The following NDST3 variants were observed in gnomAD, a reference collection of about 807,000 sequenced individuals.
NDST3 encodes N-deacetylase and N-sulfotransferase 3, also known as bifunctional heparan sulfate N-deacetylase/N-sulfotransferase 3.
Under a neutral mutation model 96.1 loss-of-function variants are expected in NDST3, and 58 were observed. The observed-to-expected ratio is 0.60, with a 90% confidence interval of 0.49 to 0.75. The LOEUF is 0.75. Among genes scored for constraint, NDST3 ranks in the 30% least tolerant of loss-of-function variants. The pLI is 0.00. For missense variants in NDST3, 788 were observed against 1,034.2 expected, an observed-to-expected ratio of 0.76 and a Z score of 3.27; for synonymous variants, 333 against 359.7, an observed-to-expected ratio of 0.93 and a Z score of 0.84.
At chr4:118,156,085 T>C (rs1412955130) in intron 6 of NDST3, among the ~76,000 whole-genome samples, 3 of 152,168 alleles carry the variant, frequency 2.0e-5, no homozygotes, top group Non-Finnish European at 4.4e-5. Flanking sequence ...ATTTCTTCAC[T>C]TGAAAAAAAT....
intron 6 of NDST3, among the ~76,000 whole-genome samples, chr4:118,143,981 TCTC>T (rs2125906946): frequency 6.7e-6 from 1 of 150,044 alleles, no homozygotes; most frequent in Admixed American, 6.6e-5. Flanking sequence ...CCTGTAAAAC[TCTC>T]CTATTTCCAC....
intron 4 of NDST3, among the ~76,000 whole-genome samples, chr4:118,133,780 T>C (rs1235060783): frequency 6.6e-6 from 1 of 152,208 alleles, no homozygotes; most frequent in Non-Finnish European, 1.5e-5. Context: ...GTAATGAAGA[T>C]AATTGAGAAA....
chr4:118,214,092 T>C (rs943522402), intron 6 of NDST3, among the ~76,000 whole-genome samples: 4 of 151,976 alleles, frequency 2.6e-5, no homozygotes, highest in African/African-American at 4.8e-5. Context: ...AAAGAGGAAG[T>C]AGTCACCTCA....
At chr4:118,135,465 CAAT>C (rs1699002519) in intron 4 of NDST3, among the ~76,000 whole-genome samples, 1 of 152,034 alleles carries the variant, frequency 6.6e-6, no homozygotes, top group Non-Finnish European at 1.5e-5. Flanking sequence ...GTAATGACAA[CAAT>C]AATTTTAAAA....
In NDST3 at chr4:118,109,305, T is replaced by A. The variant is rs117196189; in HGVS notation, c.1069+4200T>A. ...AAATTAGGGTGAAATATGTGGTGTG[T>A]TTAGGGGGAGAGGGAGAGAGTAGGA... On this transcript the variant is annotated intron_variant, in intron 3 of 13. Transcript: ENST00000296499. Among the ~76,000 whole-genome samples the A allele has an allele frequency of 5.6e-4, 86 of 152,244 alleles. No homozygotes were observed. The East Asian group carries it at 0.014, about 25-fold the overall frequency.
chr4:118,153,018 C>T (rs769375068), intron 6 of NDST3, among the ~76,000 whole-genome samples: 46 of 152,172 alleles, frequency 3.0e-4, no homozygotes, highest in African/African-American at 9.4e-4. Flanking sequence ...GACTGAGCAA[C>T]GGCTACCTGA....
chr4:118,246,080 G>A (rs1578868553), intron 12 of NDST3, among the ~76,000 whole-genome samples: 1 of 152,118 alleles, frequency 6.6e-6, no homozygotes, highest in African/African-American at 2.4e-5. Flanking sequence ...CTTAAAATGA[G>A]CTATGGAAGT....
intron 5 of NDST3, among the ~76,000 whole-genome samples, chr4:118,142,829 G>A (rs1436436357): frequency 6.6e-6 from 1 of 152,068 alleles, no homozygotes; most frequent in African/African-American, 2.4e-5. Context: ...ACCTTATCAC[G>A]AGTGTATATA....
chr4:118,245,544 C>T (rs1006452705), intron 12 of NDST3, among the ~76,000 whole-genome samples: 3 of 151,980 alleles, frequency 2.0e-5, no homozygotes, highest in African/African-American at 2.4e-5. Flanking sequence ...TTATATTGCC[C>T]GGGAATTGTT....
rs1461960297 is a variant in NDST3 at position 118,116,299 on chromosome 4, G to A, written c.1224+1339G>A. On this transcript the variant is annotated intron_variant, in intron 4 of 13. Coordinates refer to ENST00000296499, the MANE Select transcript of NDST3 (RefSeq NM_004784.3). ...AAAGAGAAAGGGATTTGTGAGAGACGAAAATACGTAAATACACTAAAGTAA... is the reference window on the plus strand; with the variant it reads ...AAAGAGAAAGGGATTTGTGAGAGACAAAAATACGTAAATACACTAAAGTAA... Among the ~76,000 whole-genome samples, 4 of 152,230 alleles carry A rather than the reference G, an allele frequency of 2.6e-5. 1 individual carries two copies. Among genetic ancestry groups the A allele is most frequent in the South Asian group, 4.2e-4 (2 of 4,810 alleles).
Position 118,054,382 on chromosome 4 carries a change from G to A in NDST3, c.472G>A (p.Gly158Ser). The A allele has an allele frequency of 6.2e-7, 1 of 1,612,992 alleles. No homozygotes were observed. The change falls in exon 2 of 14, where the codon GGT (glycine) becomes AGT (serine). Residue 158 changes from glycine (G) to serine (S), a missense_variant. Around this residue, in one of 3 missense-constraint regions of NDST3, gnomAD observed 234 missense variants for 256.9 expected, o/e 0.91. Transcript: ENST00000296499. The stretch of plus-strand genomic sequence containing the variant: ...TCTAGATAAATACTGTGTAGAATAT[G>A]GTGTGGGTGTCATTGGATTCCACAA... ...SLLDKYCVEY[G>S]VGVIGFHKTS...
chr4:118,209,464 A>T (rs1738648604), intron 6 of NDST3, among the ~76,000 whole-genome samples: 1 of 152,220 alleles, frequency 6.6e-6, no homozygotes, highest in African/African-American at 2.4e-5. Flanking sequence ...AGAACTGGAG[A>T]TGTTCTCATG....
rs898546616 is a variant in NDST3, at chr4:118,206,293, G to C, written c.1540-18198G>C. Among the ~76,000 whole-genome samples the C allele has an allele frequency of 2.1e-5, 3 of 144,894 alleles. 1 individual carries two copies. Among genetic ancestry groups the C allele is most frequent in the Non-Finnish European group, 4.6e-5 (3 of 65,336 alleles). On this transcript the variant is annotated intron_variant, in intron 6 of 13. Transcript: ENST00000296499. The stretch of plus-strand genomic sequence containing the variant: ...TAATAGAAGTATTTATTTATTCTGA[G>C]TGTACACTATTAATTAGCAAAACAA...
chr4:118,066,165 A>T (rs1244929628), intron 2 of NDST3, among the ~76,000 whole-genome samples: 8 of 26,500 alleles, frequency 3.0e-4, no homozygotes, highest in Non-Finnish European at 5.3e-4. Context: ...TATATTATAT[A>T]TTATATTTTA....
chr4:118,111,881 T>C (rs916843084), intron 3 of NDST3, among the ~76,000 whole-genome samples: 1 of 151,418 alleles, frequency 6.6e-6, no homozygotes, highest in Non-Finnish European at 1.5e-5. Context: ...AGCTATCTTT[T>C]TAGCCAGGAT....
intron 2 of NDST3, among the ~76,000 whole-genome samples, chr4:118,084,327 T>C (rs1280943060): frequency 6.6e-6 from 1 of 151,476 alleles, no homozygotes; most frequent in East Asian, 1.9e-4. Context: ...CATCATTTTG[T>C]TTATCTTAAT....
rs1422494145 is a variant in NDST3 at position 118,138,245 on chromosome 4, C to G, written c.1410+6C>G. ...TTATCCACAAAAACATCATGGTGAG[C>G]TTCCTCCAGTATGCATAGGGTACAA... On this transcript the variant is annotated splice_donor_region_variant and intron_variant, in intron 5 of 13. Transcript: ENST00000296499. 6.2e-7 allele frequency: 1 copy of G among 1,611,976 alleles called. No individual in the cohort carries two copies. Among genetic ancestry groups the G allele is most frequent in the Non-Finnish European group, 8.5e-7 (1 of 1,178,828 alleles).
At chr4:118,059,167 C>T (rs1725697300) in intron 2 of NDST3, among the ~76,000 whole-genome samples, 2 of 152,202 alleles carry the variant, frequency 1.3e-5, no homozygotes, top group South Asian at 4.1e-4. Context: ...AATGAAGAAC[C>T]CGCCCAGTCA....
At chr4:118,082,846 G>C (rs1416947873) in intron 2 of NDST3, among the ~76,000 whole-genome samples, 1 of 152,132 alleles carries the variant, frequency 6.6e-6, no homozygotes, top group Non-Finnish European at 1.5e-5. Flanking sequence ...AGCATGGCTG[G>C]GGAGGCCTCA....
Sources: gnomAD v4.1 joint callset for allele counts (sites outside exome capture counted in the v4.1 genomes callset) on GRCh38, gnomAD v4.1.1 for gene constraint, gnomAD v4.1.1 regional missense constraint, MANE v1.5 for transcripts, NCBI Gene and HGNC (gene_info 2026-07-23, HGNC 2026-07-21) for gene names.